Variants in SGCZ observed in about 807,000 individuals in gnomAD.
SGCZ encodes sarcoglycan zeta.
Under a neutral mutation model 41.3 loss-of-function variants are expected in SGCZ, and 40 were observed. The observed-to-expected ratio is 0.97, with a 90% CI of 0.75 to 1.26. The LOEUF (loss-of-function observed/expected upper bound fraction) is 1.26, where lower values mean the gene tolerates loss of function less well. Among genes scored for constraint, SGCZ ranks in the 50% most tolerant of loss-of-function variants. SGCZ has a pLI of 0.00. For missense variants in SGCZ, 552 were observed against 369.8 expected, an observed-to-expected ratio of 1.49 and a Z score of -4.04; for synonymous variants, 206 against 137.5, an observed-to-expected ratio of 1.50 and a Z score of -3.49.
intron 1 of SGCZ, among the ~76,000 whole-genome samples, chr8:15,135,082 C>T (rs1446959615): frequency 6.6e-6 from 1 of 152,066 alleles, no homozygotes; most frequent in African/African-American, 2.4e-5. Context: ...AAATATGGTT[C>T]CCTACAGCTT....
chr8:14,380,706 G>T (rs1199684005), intron 2 of SGCZ, among the ~76,000 whole-genome samples: 1 of 152,072 alleles, frequency 6.6e-6, no homozygotes, highest in Non-Finnish European at 1.5e-5. Context: ...AGAAAAATTA[G>T]CTGGGCATGG....
intron 2 of SGCZ, among the ~76,000 whole-genome samples, chr8:14,433,734 G>A (rs1800010091): frequency 6.6e-6 from 1 of 152,182 alleles, no homozygotes; most frequent in Non-Finnish European, 1.5e-5. Context: ...GATTTTCAAT[G>A]TGAAAATAAA....
chr8:15,114,349 T>G (rs2116935830), intron 1 of SGCZ, among the ~76,000 whole-genome samples: 1 of 152,318 alleles, frequency 6.6e-6, no homozygotes, highest in African/African-American at 2.4e-5. Flanking sequence ...TGTTGTAAAG[T>G]AAAATTGTTG....
intron 2 of SGCZ, among the ~76,000 whole-genome samples, chr8:14,390,474 A>G (rs1200618497): frequency 2.0e-5 from 3 of 151,928 alleles, no homozygotes; most frequent in Non-Finnish European, 4.4e-5. Flanking sequence ...GTAGATAAAT[A>G]AAAGACTTTT....
intron 3 of SGCZ, among the ~76,000 whole-genome samples, chr8:14,281,212 T>C (rs887440481): frequency 6.6e-6 from 1 of 152,018 alleles, no homozygotes; most frequent in Non-Finnish European, 1.5e-5. Flanking sequence ...CTACTCTATA[T>C]AATTGGCACA....
intron 1 of SGCZ, among the ~76,000 whole-genome samples, chr8:15,128,230 C>G (rs1355290291): frequency 6.6e-6 from 1 of 152,176 alleles, no homozygotes; most frequent in African/African-American, 2.4e-5. Context: ...TCCCACATAT[C>G]TCCAATGTGT....
At chr8:15,125,729 G>A (rs533904504) in intron 1 of SGCZ, among the ~76,000 whole-genome samples, 4 of 152,106 alleles carry the variant, frequency 2.6e-5, no homozygotes, top group Admixed American at 6.6e-5. Context: ...TCATTACCAT[G>A]AAGTACTATG....
intron 1 of SGCZ, among the ~76,000 whole-genome samples, chr8:15,191,703 G>C (rs183917705): frequency 5.3e-5 from 8 of 152,010 alleles, no homozygotes; most frequent in Non-Finnish European, 8.8e-5. Context: ...TTCAGCTGTA[G>C]AGATAAAGCA....
intron 1 of SGCZ, among the ~76,000 whole-genome samples, chr8:14,850,904 A>G (rs1803294821): frequency 6.6e-6 from 1 of 152,080 alleles, no homozygotes; most frequent in Admixed American, 6.6e-5. Context: ...CCAGGATTTT[A>G]AGTTTCCTGA....
intron 1 of SGCZ, among the ~76,000 whole-genome samples, chr8:15,001,545 C>T (rs1269232364): frequency 2.6e-5 from 4 of 151,840 alleles, no homozygotes; most frequent in South Asian, 2.1e-4. Flanking sequence ...CTGGCTAACA[C>T]AGTGAAACCC....
chr8:14,708,417 T>G (rs986264833), intron 1 of SGCZ, among the ~76,000 whole-genome samples: 18 of 151,974 alleles, frequency 1.2e-4, no homozygotes, highest in Non-Finnish European at 1.0e-4. Flanking sequence ...AAACAGGCAG[T>G]CACTCCCATA....
chr8:14,650,714 A>T (rs544650950), intron 1 of SGCZ, among the ~76,000 whole-genome samples: 2 of 152,068 alleles, frequency 1.3e-5, no homozygotes, highest in Non-Finnish European at 2.9e-5. Context: ...GCCAGGTGAA[A>T]GAGATTTGTT....
At chr8:14,772,091 A>G (rs1160323438) in intron 1 of SGCZ, among the ~76,000 whole-genome samples, 1 of 152,158 alleles carries the variant, frequency 6.6e-6, no homozygotes, top group African/African-American at 2.4e-5. Context: ...CTTTCAATAT[A>G]GTATTCAATA....
chr8:14,623,408 G>A (rs1264607154), intron 1 of SGCZ, among the ~76,000 whole-genome samples: 1 of 152,144 alleles, frequency 6.6e-6, no homozygotes, highest in African/African-American at 2.4e-5. Flanking sequence ...AAGCAGGCAA[G>A]CATCCCGCTG....
intron 2 of SGCZ, among the ~76,000 whole-genome samples, chr8:14,449,647 G>C (rs1469184360): frequency 6.6e-6 from 1 of 152,108 alleles, no homozygotes; most frequent in Non-Finnish European, 1.5e-5. Context: ...CTTGTAAGTA[G>C]ATCTAAAGAT....
chr8:14,840,198 G>A (rs62493318), intron 1 of SGCZ, among the ~76,000 whole-genome samples: 15,817 of 152,034 alleles, frequency 0.1, 1,084 homozygotes, highest in East Asian at 0.29. Flanking sequence ...CTGCTTAAGG[G>A]ATTTTTAAAT....
At chr8:15,217,575 C>G (rs1381936635) in intron 1 of SGCZ, among the ~76,000 whole-genome samples, 1 of 151,668 alleles carries the variant, frequency 6.6e-6, no homozygotes. Flanking sequence ...AAGATTCTTG[C>G]CCCCCCTTGT....
At chr8:14,617,538 A>G (rs1806145488) in intron 1 of SGCZ, among the ~76,000 whole-genome samples, 1 of 152,148 alleles carries the variant, frequency 6.6e-6, no homozygotes, top group Admixed American at 6.5e-5. Flanking sequence ...TCAGAAATGT[A>G]TTTTGGCAAA....
chr8:14,615,014 A>G lies in SGCZ; in HGVS notation c.40-60088T>C, dbSNP rs73194132. Among the ~76,000 whole-genome samples the G allele has an allele frequency of 1.3e-3, 137 of 106,706 alleles. 1 individual carries two copies. Among genetic ancestry groups the G allele is most frequent in the South Asian group, 9.5e-3 (37 of 3,906 alleles). The allele number at this position is 106,706 out of a possible 152,430, so 70.0% of individuals were successfully genotyped here. On this transcript the variant is annotated intron_variant, in intron 1 of 7. Coordinates refer to ENST00000382080, the MANE Select transcript of SGCZ (RefSeq NM_139167.4). ...TGTGTATATATGTGTGTGTGTGTGT[A>G]TATATATATATGAAAGCTTGTTACA...
Sources: allele counts gnomAD v4.1 joint callset (sites outside exome capture counted in the v4.1 genomes callset), GRCh38; gene constraint gnomAD v4.1.1; transcripts MANE v1.5; gene names NCBI Gene and HGNC (gene_info 2026-07-23, HGNC 2026-07-21).